Variants in SPECC1L observed in about 807,000 individuals in gnomAD.
SPECC1L encodes cytospin-A.
In SPECC1L, 40 loss-of-function variants were observed where a neutral mutation model predicts 116.8. The observed-to-expected ratio is 0.34, with a 90% CI of 0.27 to 0.45. SPECC1L has a LOEUF of 0.45. SPECC1L is among the 20% of genes least tolerant of loss of function. The pLI is 1.00. For synonymous variants in SPECC1L, 504 were observed against 500.6 expected (o/e 1.01, Z -0.09); for missense variants, 1,110 against 1,373.6 (o/e 0.81, Z 3.03).
chr22:24,295,654 T>G (rs2049245330), intron 2 of SPECC1L, among the ~76,000 whole-genome samples: 1 of 152,098 alleles, frequency 6.6e-6, no homozygotes. Context: ...AAATGTTGAT[T>G]AAGAATACCA....
intron 8 of SPECC1L, among the ~76,000 whole-genome samples, chr22:24,331,841 T>C (rs1327563310): frequency 6.6e-6 from 1 of 152,232 alleles, no homozygotes; most frequent in Non-Finnish European, 1.5e-5. Flanking sequence ...TTTTTTTTAA[T>C]GTAGGTTTCA....
In SPECC1L at chr22:24,411,009, A is replaced by C. The variant is rs569588370; in HGVS notation, c.3088-579A>C. 2.0e-5 allele frequency among the ~76,000 whole-genome samples: 3 copies of C among 151,614 alleles called. No individual in the cohort carries two copies. The South Asian group carries it at 6.3e-4, about 32-fold the overall frequency. ...TGAGACCATCCTAGCTTACAGTGAA[A>C]CCCTGTCTCTACTGAAAATACAAAA... On this transcript the variant is annotated intron_variant, in intron 14 of 16. Transcript: ENST00000314328.
At chr22:24,282,821 A>AGT (rs2048970025) in intron 2 of SPECC1L, among the ~76,000 whole-genome samples, 1 of 149,992 alleles carries the variant, frequency 6.7e-6, no homozygotes, top group Non-Finnish European at 1.5e-5. Flanking sequence ...CCTGTCACCC[A>AGT]GGCTGGAGTG....
intron 6 of SPECC1L, among the ~76,000 whole-genome samples, chr22:24,327,277 CAAAAAAAA>C (rs58725731): frequency 4.8e-5 from 2 of 41,958 alleles, no homozygotes; most frequent in Non-Finnish European, 9.5e-5. Flanking sequence ...GACTCCGTCT[CAAAAAAAA>C]AAAAAAAAAA....
intron 3 of SPECC1L, 88 bp downstream of exon 3, chr22:24,302,472 G>T: frequency 6.5e-7 from 1 of 1,536,682 alleles, no homozygotes. Context: ...GCATTCTTAG[G>T]GGTGTGCCCT....
chr22:24,393,893 ATTG>A (rs1421118784), intron 14 of SPECC1L, among the ~76,000 whole-genome samples: 7 of 152,016 alleles, frequency 4.6e-5, no homozygotes, highest in Non-Finnish European at 7.4e-5. Context: ...GTTGCTGTAT[ATTG>A]TTTGTATTTG....
At chr22:24,378,951 A>T (rs1011803241) in intron 14 of SPECC1L, among the ~76,000 whole-genome samples, 1 of 152,294 alleles carries the variant, frequency 6.6e-6, no homozygotes, top group South Asian at 2.1e-4. Context: ...GACTTGTTTG[A>T]TACAGGATTG....
chr22:24,279,145 C>A (rs1203075213), intron 2 of SPECC1L, among the ~76,000 whole-genome samples: 1 of 151,954 alleles, frequency 6.6e-6, no homozygotes, highest in African/African-American at 2.4e-5. Flanking sequence ...ATTATATTGC[C>A]CTATTAATTA....
chr22:24,386,218 C>T (rs1221787456), intron 14 of SPECC1L, among the ~76,000 whole-genome samples: 3 of 151,824 alleles, frequency 2.0e-5, no homozygotes, highest in Admixed American at 6.6e-5. Context: ...TTATAGTGGA[C>T]ATTAAGCTTA....
At chr22:24,284,806 AAGG>A in intron 2 of SPECC1L, among the ~76,000 whole-genome samples, 2 of 152,300 alleles carry the variant, frequency 1.3e-5, no homozygotes, top group South Asian at 2.1e-4. Context: ...GTTCAGAAAG[AAGG>A]AGGACAATTT....
intron 14 of SPECC1L, among the ~76,000 whole-genome samples, chr22:24,381,526 G>A (rs1236245511): frequency 6.6e-6 from 1 of 152,156 alleles, no homozygotes; most frequent in Non-Finnish European, 1.5e-5. Flanking sequence ...GGTTGGACTG[G>A]TTTAGCAGGC....
At chr22:24,414,487 C>A in intron 16 of SPECC1L, 47 bp from the exon 17 acceptor site, 1 of 1,548,036 alleles carries the variant, frequency 6.5e-7, no homozygotes, top group Non-Finnish European at 8.9e-7. Flanking sequence ...TTGGCACAGC[C>A]TGGAGGTGAC....
At chr22:24,333,248 G>A (rs1341632720) in intron 8 of SPECC1L, among the ~76,000 whole-genome samples, 1 of 152,008 alleles carries the variant, frequency 6.6e-6, no homozygotes, top group African/African-American at 2.4e-5. Flanking sequence ...AAAGAAAGTT[G>A]TAATCATGAC....
At chr22:24,360,555 CT>C (rs571207698) in intron 11 of SPECC1L, among the ~76,000 whole-genome samples, 27 of 146,276 alleles carry the variant, frequency 1.8e-4, no homozygotes, top group Admixed American at 2.1e-4. Context: ...ATTTCATGAA[CT>C]TTTTTTTTTT....
At chr22:24,310,641 T>A (rs1450009144) in intron 3 of SPECC1L, among the ~76,000 whole-genome samples, 1 of 152,178 alleles carries the variant, frequency 6.6e-6, no homozygotes, top group African/African-American at 2.4e-5. Context: ...TGTGATTCAT[T>A]CATTTTGTTC....
intron 14 of SPECC1L, among the ~76,000 whole-genome samples, chr22:24,402,576 G>A (rs948107645): frequency 6.6e-6 from 1 of 152,196 alleles, no homozygotes; most frequent in Non-Finnish European, 1.5e-5. Flanking sequence ...AGTGCACTGG[G>A]TTGCAGCTTA....
chr22:24,301,919 G>C (rs2049387444), intron 2 of SPECC1L, among the ~76,000 whole-genome samples: 1 of 152,032 alleles, frequency 6.6e-6, no homozygotes, highest in Admixed American at 6.6e-5. Context: ...GGTGGTGGGT[G>C]CCTGTAGTCC....
intron 1 of SPECC1L, among the ~76,000 whole-genome samples, chr22:24,274,098 G>A (rs2048785138): frequency 6.6e-6 from 1 of 152,196 alleles, no homozygotes; most frequent in Admixed American, 6.5e-5. Context: ...ATAAGCCTAG[G>A]CAGGGAAATT....
intron 2 of SPECC1L, among the ~76,000 whole-genome samples, chr22:24,283,377 C>G (rs775172033): frequency 1.1e-4 from 17 of 152,236 alleles, no homozygotes; most frequent in Non-Finnish European, 1.9e-4. Flanking sequence ...CGCGCCCAGC[C>G]TGCCTTGCCG....
Sources: allele counts gnomAD v4.1 joint callset (sites outside exome capture counted in the v4.1 genomes callset), GRCh38; gene constraint gnomAD v4.1.1; transcripts MANE v1.5; gene names NCBI Gene and HGNC (gene_info 2026-07-23, HGNC 2026-07-21).